The following GALNT17 variants were observed in gnomAD, a reference collection of about 807,000 sequenced individuals.
GALNT17 encodes polypeptide N-acetylgalactosaminyltransferase 17.
In GALNT17, 29 loss-of-function variants were observed where a neutral mutation model predicts 63.7. That is an observed-to-expected ratio of 0.46 (90% confidence interval 0.34 to 0.62). The LOEUF (loss-of-function observed/expected upper bound fraction) is 0.62, where lower values mean the gene tolerates loss of function less well. Among genes scored for constraint, GALNT17 ranks in the 20% least tolerant of loss-of-function variants. The pLI, the probability that GALNT17 is intolerant of heterozygous loss-of-function variation, is 0.01. For missense variants in GALNT17, 603 were observed against 799.6 expected (o/e 0.75, Z 2.97); for synonymous variants, 305 against 318.3 (o/e 0.96, Z 0.45).
chr7:71,261,715 C>G (rs958431263), intron 1 of GALNT17, among the ~76,000 whole-genome samples: 3 of 152,194 alleles, frequency 2.0e-5, no homozygotes, highest in African/African-American at 7.2e-5. Flanking sequence ...TGGTGGTGAT[C>G]GTGACAACCG....
At chr7:71,133,143 A>T in intron 1 of GALNT17, 103 bp downstream of exon 1, 1 of 1,070,718 alleles carries the variant, frequency 9.3e-7, no homozygotes, top group Non-Finnish European at 1.3e-6. Context: ...GGGAGCCGGC[A>T]CACCCTGGCT....
intron 5 of GALNT17, among the ~76,000 whole-genome samples, chr7:71,516,992 A>G (rs1788455615): frequency 6.6e-6 from 1 of 152,136 alleles, no homozygotes; most frequent in Non-Finnish European, 1.5e-5. Context: ...GCCAACATTT[A>G]TATTCTATTT....
At chr7:71,221,189 T>C (rs942056757) in intron 1 of GALNT17, among the ~76,000 whole-genome samples, 2 of 152,218 alleles carry the variant, frequency 1.3e-5, no homozygotes, top group African/African-American at 2.4e-5. Context: ...CTGGGTGGAA[T>C]TGGCACAGGG....
rs117952055 is a variant in GALNT17, at chr7:71,436,773, C to T, written c.962+15668C>T. Reference sequence around the variant, plus strand: ...AAATGTATCCATGTTTCCACACTTTCGAGACCCCAAATGCAAACTCTGAAT... The same window carrying T: ...AAATGTATCCATGTTTCCACACTTTTGAGACCCCAAATGCAAACTCTGAAT... On this transcript the variant is annotated intron_variant, in intron 5 of 10. Coordinates refer to ENST00000333538, the MANE Select transcript of GALNT17 (RefSeq NM_022479.3). Among the ~76,000 whole-genome samples, 79 of 152,066 alleles carry T rather than the reference C, an allele frequency of 5.2e-4. 1 individual carries two copies. In the East Asian group the frequency reaches 0.012, roughly 23 times the overall value.
intron 1 of GALNT17, among the ~76,000 whole-genome samples, chr7:71,230,991 C>T (rs971926464): frequency 6.6e-6 from 1 of 152,008 alleles, no homozygotes; most frequent in African/African-American, 2.4e-5. Context: ...CTGGGTAATA[C>T]TGATGCAGGA....
At chr7:71,280,612 G>A (rs1025919163) in intron 1 of GALNT17, among the ~76,000 whole-genome samples, 3 of 152,156 alleles carry the variant, frequency 2.0e-5, no homozygotes, top group Admixed American at 2.0e-4. Flanking sequence ...AGTTGCCTCT[G>A]GCTTTAGATA....
intron 2 of GALNT17, among the ~76,000 whole-genome samples, chr7:71,345,374 A>G (rs557919281): frequency 5.3e-4 from 81 of 151,926 alleles, no homozygotes; most frequent in Middle Eastern, 3.4e-3. Flanking sequence ...GTTATCTTCA[A>G]TTTCTCCTTT....
At chr7:71,199,672 CCCAT>C (rs59064900) in intron 1 of GALNT17, among the ~76,000 whole-genome samples, 66,731 of 123,434 alleles carry the variant, frequency 0.54, 19,452 homozygotes, top group Non-Finnish European at 0.67. Flanking sequence ...CATCCTTCCA[CCCAT>C]CCATCCATCC....
chr7:71,684,388 A>G (rs1444665729), intron 9 of GALNT17, among the ~76,000 whole-genome samples: 1 of 152,182 alleles, frequency 6.6e-6, no homozygotes, highest in Non-Finnish European at 1.5e-5. Flanking sequence ...CATCTTTCTC[A>G]GCCCTGAACG....
intron 2 of GALNT17, among the ~76,000 whole-genome samples, chr7:71,384,101 T>C (rs1295661122): frequency 1.3e-5 from 2 of 152,188 alleles, no homozygotes; most frequent in African/African-American, 2.4e-5. Flanking sequence ...TCAACACTTG[T>C]TATTTTCAGG....
intron 1 of GALNT17, among the ~76,000 whole-genome samples, chr7:71,209,319 A>G (rs1562917153): frequency 6.6e-6 from 1 of 152,126 alleles, no homozygotes; most frequent in Non-Finnish European, 1.5e-5. Context: ...TACTTAGCAA[A>G]TTCTATGTGC....
intron 1 of GALNT17, among the ~76,000 whole-genome samples, chr7:71,250,590 C>T (rs771470866): frequency 2.0e-5 from 3 of 152,176 alleles, no homozygotes; most frequent in Admixed American, 6.6e-5. Context: ...TCAGTCAAAG[C>T]ATCCATTCCA....
intron 3 of GALNT17, among the ~76,000 whole-genome samples, chr7:71,390,803 T>C (rs1793036165): frequency 6.6e-6 from 1 of 152,116 alleles, no homozygotes; most frequent in African/African-American, 2.4e-5. Context: ...CCTCCTCTGA[T>C]CTCTGAGTGG....
At chr7:71,523,760 T>TAAAC (rs1345660009) in intron 5 of GALNT17, among the ~76,000 whole-genome samples, 3 of 145,184 alleles carry the variant, frequency 2.1e-5, no homozygotes, top group Non-Finnish European at 3.0e-5. Flanking sequence ...AATAAATAAA[T>TAAAC]AAATAAATAA....
At chr7:71,560,266 C>A (rs1789234632) in intron 5 of GALNT17, among the ~76,000 whole-genome samples, 1 of 151,436 alleles carries the variant, frequency 6.6e-6, no homozygotes, top group Non-Finnish European at 1.5e-5. Flanking sequence ...TTGAGATGCC[C>A]AGTAAAGGGT....
intron 6 of GALNT17, among the ~76,000 whole-genome samples, chr7:71,636,162 T>C (rs1306196589): frequency 1.3e-5 from 2 of 152,198 alleles, no homozygotes; most frequent in African/African-American, 4.8e-5. Context: ...TTATCTTTTC[T>C]ATGTATTGGG....
chr7:71,208,195 C>G (rs1789309599), intron 1 of GALNT17, among the ~76,000 whole-genome samples: 1 of 152,058 alleles, frequency 6.6e-6, no homozygotes, highest in South Asian at 2.1e-4. Flanking sequence ...GCTTGGCCTT[C>G]CAAATTGCTG....
chr7:71,552,884 C>T (rs1164577551), intron 5 of GALNT17, among the ~76,000 whole-genome samples: 1 of 152,190 alleles, frequency 6.6e-6, no homozygotes, highest in South Asian at 2.1e-4. Flanking sequence ...GCAACCCAGC[C>T]TCTCAGTCCC....
intron 5 of GALNT17, among the ~76,000 whole-genome samples, chr7:71,476,872 G>A (rs964684559): frequency 4.6e-5 from 7 of 152,154 alleles, no homozygotes; most frequent in African/African-American, 1.7e-4. Context: ...ACCTTAGCAA[G>A]TGTGAGGTTC....
Sources: allele counts gnomAD v4.1 joint callset (sites outside exome capture counted in the v4.1 genomes callset), GRCh38; gene constraint gnomAD v4.1.1; transcripts MANE v1.5; gene names NCBI Gene and HGNC (gene_info 2026-07-23, HGNC 2026-07-21).